The following CEP135 variants were observed in gnomAD, a reference collection of about 807,000 sequenced individuals.
CEP135 encodes the protein centrosomal protein 135, also known as centrosomal protein of 135 kDa.
In CEP135, 142 loss-of-function variants were observed where a neutral mutation model predicts 157.3. That is an observed-to-expected ratio of 0.90 (90% CI 0.79 to 1.04). The LOEUF (loss-of-function observed/expected upper bound fraction) is 1.04. Ranked by LOEUF, CEP135 falls within the 50% of genes least tolerant of loss-of-function variation. The probability of loss-of-function intolerance (pLI) is 0.00; values close to 1 mark genes in which losing one functional copy is unlikely to be tolerated. For synonymous variants in CEP135, 396 were observed against 439.8 expected (o/e 0.90, Z 1.25); for missense variants, 1,317 against 1,309.2 (o/e 1.01, Z -0.09).
At chr4:56,003,912 T>G (rs1443246036) in intron 17 of CEP135, among the ~76,000 whole-genome samples, 2 of 151,930 alleles carry the variant, frequency 1.3e-5, no homozygotes, top group Non-Finnish European at 2.9e-5. Flanking sequence ...GTAGAGACGG[T>G]GTCTTACCAT....
chr4:56,008,353 A>G lies in CEP135; in HGVS notation c.2307A>G (p.Ile769Met), dbSNP rs1298635402. The G allele has an allele frequency of 6.2e-7, 1 of 1,610,202 alleles. No homozygotes were observed. The change falls in exon 18 of 26, where the codon ATA (isoleucine) becomes ATG (methionine). Residue 769 changes from isoleucine to methionine, a missense_variant. Physicochemically the swap from Ile to Met is conservative, Grantham distance 10 (BLOSUM62 1). Coordinates refer to ENST00000257287, the MANE Select transcript of CEP135 (RefSeq NM_025009.5). ...NKEKAVAQMK[I>M]MISECESSVN... ...AAAAAGCTGTTGCTCAAATGAAGAT[A>G]ATGATCTCAGAGTGTGAATCATCTG...
In CEP135 at chr4:55,974,891, A is replaced by G. The variant is rs754276020; in HGVS notation, c.1395A>G (p.Gln465=). 8 of 1,613,622 alleles carry G rather than the reference A, an allele frequency of 5.0e-6. No individual in the cohort carries two copies. The highest frequency in any genetic ancestry group is 1.7e-4 in the Middle Eastern group (1 of 6,054). The change falls in exon 11 of 26, where the codon CAA becomes CAG. Residue 465 remains glutamine (Q), a synonymous_variant. Coordinates refer to ENST00000257287, the MANE Select transcript of CEP135 (RefSeq NM_025009.5). ...DYYKKELERL[Q]HIIQRRSCST... The stretch of plus-strand genomic sequence containing the variant: ...ATAAGAAAGAGCTAGAGAGACTCCA[A>G]CATATAATACAGCGAAGATCTTGCT...
chr4:55,978,600 G>C (rs1438847499), intron 11 of CEP135, among the ~76,000 whole-genome samples: 1 of 152,170 alleles, frequency 6.6e-6, no homozygotes, highest in Non-Finnish European at 1.5e-5. Flanking sequence ...CCTCAGGCTG[G>C]AGTGCAGTAG....
chr4:55,972,064 C>T (rs1024807451), intron 10 of CEP135, among the ~76,000 whole-genome samples: 8 of 152,140 alleles, frequency 5.3e-5, no homozygotes, highest in African/African-American at 1.7e-4. Flanking sequence ...GCAAGAGAAT[C>T]GTTTTAACTT....
At chr4:56,017,369 A>T (rs1577911576) in intron 21 of CEP135, among the ~76,000 whole-genome samples, 1 of 152,278 alleles carries the variant, frequency 6.6e-6, no homozygotes, top group East Asian at 1.9e-4. Flanking sequence ...CCTCATATTC[A>T]CAACACCCTG....
At chr4:55,996,246 G>A (rs894087165) in intron 15 of CEP135, among the ~76,000 whole-genome samples, 2 of 152,026 alleles carry the variant, frequency 1.3e-5, no homozygotes, top group Non-Finnish European at 2.9e-5. Flanking sequence ...TCAGCCTCCT[G>A]AGTAGCTGGG....
At chr4:55,963,467 C>T (rs761885237) in intron 6 of CEP135, among the ~76,000 whole-genome samples, 2 of 152,166 alleles carry the variant, frequency 1.3e-5, no homozygotes, top group Admixed American at 6.5e-5. Flanking sequence ...AAGCTTGGGC[C>T]AGGAGTGGTG....
chr4:56,009,320 C>T (rs1730483473), intron 18 of CEP135, among the ~76,000 whole-genome samples: 1 of 152,108 alleles, frequency 6.6e-6, no homozygotes, highest in African/African-American at 2.4e-5. Flanking sequence ...GCCACCACAC[C>T]CGGCTATTTT....
At chr4:55,984,417 G>T (rs1422328476) in intron 13 of CEP135, among the ~76,000 whole-genome samples, 1 of 152,188 alleles carries the variant, frequency 6.6e-6, no homozygotes, top group East Asian at 1.9e-4. Context: ...TTGGCATAAA[G>T]TTCCTTTTCC....
At chr4:56,008,937 G>A (rs574942613) in intron 18 of CEP135, among the ~76,000 whole-genome samples, 5 of 152,162 alleles carry the variant, frequency 3.3e-5, no homozygotes, top group South Asian at 2.1e-4. Context: ...TCACTCTGTC[G>A]CACAGGCTGG....
At chr4:56,017,007 C>A (rs766492062) in intron 21 of CEP135, among the ~76,000 whole-genome samples, 15 of 152,008 alleles carry the variant, frequency 9.9e-5, no homozygotes, top group Non-Finnish European at 1.6e-4. Context: ...TTTTTCAATG[C>A]AGAATTCTCC....
chr4:55,986,598 A>C (rs1193444209), intron 14 of CEP135, among the ~76,000 whole-genome samples: 1 of 152,188 alleles, frequency 6.6e-6, no homozygotes, highest in Non-Finnish European at 1.5e-5. Flanking sequence ...ATTCACTTCC[A>C]TTCTTTATTA....
chr4:56,028,694 T>C (rs1053355230), intron 25 of CEP135, among the ~76,000 whole-genome samples: 1 of 152,194 alleles, frequency 6.6e-6, no homozygotes, highest in Non-Finnish European at 1.5e-5. Context: ...AATCCAACTT[T>C]TATTATTTGT....
intron 24 of CEP135, among the ~76,000 whole-genome samples, chr4:56,022,974 G>A (rs759052822): frequency 5.3e-4 from 81 of 152,142 alleles, no homozygotes; most frequent in Non-Finnish European, 1.0e-3. Flanking sequence ...GTGCACAGCT[G>A]TAGTCCCAGC....
At chr4:55,969,190 A>T in intron 9 of CEP135, 62 bp downstream of exon 9, 1 of 1,395,486 alleles carries the variant, frequency 7.2e-7, no homozygotes. Flanking sequence ...TGGGAGACTG[A>T]GGTGGGTTTA....
chr4:56,029,422 C>G (rs768858424), intron 25 of CEP135, among the ~76,000 whole-genome samples: 2 of 152,146 alleles, frequency 1.3e-5, no homozygotes, highest in Non-Finnish European at 2.9e-5. Flanking sequence ...TATTTAGTGG[C>G]CTCTAGCCAC....
chr4:55,993,552 A>T (rs1480208533), intron 15 of CEP135, among the ~76,000 whole-genome samples: 1 of 152,164 alleles, frequency 6.6e-6, no homozygotes, highest in Non-Finnish European at 1.5e-5. Flanking sequence ...GTGAGAGGAG[A>T]GCTGAATGGA....
At chr4:55,958,790 A>G (rs560424195) in intron 5 of CEP135, among the ~76,000 whole-genome samples, 27 of 152,268 alleles carry the variant, frequency 1.8e-4, no homozygotes, top group African/African-American at 6.3e-4. Flanking sequence ...TCTTTTAAAA[A>G]CAAACCTGGG....
At chr4:55,997,207 G>A (rs1730002533) in intron 15 of CEP135, among the ~76,000 whole-genome samples, 1 of 152,122 alleles carries the variant, frequency 6.6e-6, no homozygotes. Context: ...TCGTTGAGAG[G>A]ACCTTTATCT....
Sources: gnomAD v4.1 joint callset for allele counts (sites outside exome capture counted in the v4.1 genomes callset) on GRCh38, gnomAD v4.1.1 for gene constraint, MANE v1.5 for transcripts, NCBI Gene and HGNC (gene_info 2026-07-23, HGNC 2026-07-21) for gene names.